Variants in ZBTB11 observed in about 807,000 individuals in gnomAD.
ZBTB11 encodes the protein zinc finger and BTB domain-containing protein 11.
A neutral mutation model predicts 113.1 loss-of-function variants in ZBTB11; 68 were observed. The ratio of observed to expected loss-of-function variants is 0.60; its 90% confidence interval spans 0.49 to 0.74. ZBTB11 has a LOEUF of 0.74. Ranked by LOEUF, ZBTB11 falls within the 30% of genes least tolerant of loss-of-function variation. The pLI, the probability that ZBTB11 is intolerant of heterozygous loss-of-function variation, is 0.00. For synonymous variants in ZBTB11, 518 were observed against 452.6 expected (o/e 1.14, Z -1.83); for missense variants, 1,104 against 1,279.4 (o/e 0.86, Z 2.09).
chr3:101,675,919 C>T (rs1937159675), intron 1 of ZBTB11, among the ~76,000 whole-genome samples: 1 of 152,068 alleles, frequency 6.6e-6, no homozygotes, highest in Non-Finnish European at 1.5e-5. Context: ...AGGCGAGACC[C>T]GTGTCTACTC....
intron 3 of ZBTB11, among the ~76,000 whole-genome samples, chr3:101,668,948 TATAAC>T (rs1251997245): frequency 6.6e-6 from 1 of 152,070 alleles, no homozygotes; most frequent in Non-Finnish European, 1.5e-5. Context: ...AATGGACAAT[TATAAC>T]AGAAGGAAAA....
chr3:101,649,262 C>G lies in ZBTB11; in HGVS notation c.*1904G>C, dbSNP rs757283100. 1.3e-4 allele frequency: 20 copies of G among 152,214 alleles called. No homozygotes were observed. The highest frequency in any genetic ancestry group is 2.5e-4 in the Non-Finnish European group (17 of 68,036). 9.4% of individuals were successfully genotyped at this position (152,214 alleles called of 1,614,324 possible). On this transcript the variant is annotated 3_prime_UTR_variant, in exon 11 of 11. Coordinates refer to ENST00000312938, the MANE Select transcript of ZBTB11 (RefSeq NM_014415.4). ...AACTGCCCTCTTCTACCCATTATTT[C>G]CTTGCCTCTTGTCCATATCAATTAT... is the stretch of plus-strand genomic sequence containing the variant.
In ZBTB11 at chr3:101,665,726, A is replaced by T. The variant is rs1936986985; in HGVS notation, c.861T>A (p.Asp287Glu). The stretch of plus-strand genomic sequence containing the variant: ...AAAGATGACGAGCTAAGATGGCTAC[A>T]TCAGCCATGCTACAGAAATCAAAAC... ...VLSFDFCSMADVAILARHLFM... is the reference protein window; with the variant it reads ...VLSFDFCSMAEVAILARHLFM... The change falls in exon 4 of 11, where the codon GAT becomes GAA. Residue 287 changes from aspartate (D) to glutamate (E), a missense_variant. Physicochemically the swap from Asp to Glu is conservative, Grantham distance 45. Coordinates refer to ENST00000312938, the MANE Select transcript of ZBTB11 (RefSeq NM_014415.4). 3 of 1,614,126 alleles carry T rather than the reference A, an allele frequency of 1.9e-6. No individual in the cohort carries two copies. The highest frequency in any genetic ancestry group is 2.5e-6 in the Non-Finnish European group (3 of 1,180,048).
At chr3:101,653,065 A>C in intron 8 of ZBTB11, 127 bp from the exon 9 acceptor site, 1 of 1,008,020 alleles carries the variant, frequency 9.9e-7, no homozygotes, top group East Asian at 2.6e-5. Context: ...GAATTCCCTA[A>C]TTTTCTAATC....
At chr3:101,663,612 C>T (rs1035006320) in intron 5 of ZBTB11, among the ~76,000 whole-genome samples, 6 of 151,896 alleles carry the variant, frequency 4.0e-5, no homozygotes, top group Admixed American at 1.3e-4. Context: ...GACCTTGGGC[C>T]GGGTGTGGTA....
In ZBTB11 at chr3:101,671,480, T is replaced by C. The variant is rs150769841; in HGVS notation, c.547-119A>G. 202 of 736,210 alleles carry C rather than the reference T, an allele frequency of 2.7e-4. 1 individual carries two copies. In the African/African-American group the frequency reaches 3.0e-3, roughly 11 times the overall value. 45.6% of individuals were successfully genotyped at this position (736,210 alleles called of 1,614,324 possible). A position where few individuals can be genotyped will look rare whatever the true frequency, so the allele number is the denominator to read the frequency against. On this transcript the variant is annotated intron_variant, in intron 2 of 10. Coordinates refer to ENST00000312938, the MANE Select transcript of ZBTB11 (RefSeq NM_014415.4). ...TACCAGGTATGAATAATTTGATATT[T>C]TCTTTGTTACCTATGTATTTAAATA...
At chr3:101,658,726 C>T (rs749884177) in intron 6 of ZBTB11, among the ~76,000 whole-genome samples, 7 of 152,088 alleles carry the variant, frequency 4.6e-5, no homozygotes, top group Non-Finnish European at 8.8e-5. Flanking sequence ...AATGATACAA[C>T]GGACTTTGGG....
At chr3:101,655,371 T>C (rs1192225103) in intron 7 of ZBTB11, among the ~76,000 whole-genome samples, 1 of 152,236 alleles carries the variant, frequency 6.6e-6, no homozygotes, top group Non-Finnish European at 1.5e-5. Flanking sequence ...TGGATTGTAA[T>C]AGTACTAGAG....
chr3:101,667,661 C>A (rs977673410), intron 3 of ZBTB11, among the ~76,000 whole-genome samples: 1 of 151,350 alleles, frequency 6.6e-6, no homozygotes, highest in Non-Finnish European at 1.5e-5. Flanking sequence ...AAAGCTAATT[C>A]TTTTTTTTTG....
intron 6 of ZBTB11, among the ~76,000 whole-genome samples, chr3:101,657,712 CAG>C: frequency 6.6e-6 from 1 of 151,726 alleles, no homozygotes; most frequent in East Asian, 1.9e-4. Context: ...AGGCCAGGCA[CAG>C]TGGCTTATGC....
Position 101,677,094 on chromosome 3 carries a change from G to T in ZBTB11, c.-180C>A. ...AAGCGGGCGAGTTGGTAACCAGGGG[G>T]AACTGCACTTCTCCAGCGCGCGGGA... On this transcript the variant is annotated 5_prime_UTR_variant, in exon 1 of 11. Coordinates refer to ENST00000312938, the MANE Select transcript of ZBTB11 (RefSeq NM_014415.4). 1.5e-6 allele frequency: 1 copy of T among 650,290 alleles called. No individual in the cohort carries two copies. The highest frequency in any genetic ancestry group is 2.3e-5 in the South Asian group (1 of 43,874). 40.3% of individuals were successfully genotyped at this position (650,290 alleles called of 1,614,324 possible). A position where few individuals can be genotyped will look rare whatever the true frequency, so the allele number is the denominator to read the frequency against.
chr3:101,655,986 T>C (rs1936789894), intron 7 of ZBTB11, 118 bp downstream of exon 7: 1 of 882,232 alleles, frequency 1.1e-6, no homozygotes, highest in African/African-American at 1.8e-5. Context: ...AAATACTGTC[T>C]CAATACAAAA....
intron 3 of ZBTB11, among the ~76,000 whole-genome samples, 164 bp from the exon 4 acceptor site, chr3:101,665,972 C>A (rs1185199737): frequency 6.6e-6 from 1 of 152,216 alleles, no homozygotes; most frequent in African/African-American, 2.4e-5. Flanking sequence ...TAAACCTTGA[C>A]TAACTCATTT....
intron 5 of ZBTB11, among the ~76,000 whole-genome samples, chr3:101,661,325 T>C (rs889468692): frequency 6.6e-6 from 1 of 152,110 alleles, no homozygotes; most frequent in Non-Finnish European, 1.5e-5. Flanking sequence ...CCCTTCACTA[T>C]TGTCTTGATG....
chr3:101,670,119 C>T (rs1400500597), intron 3 of ZBTB11, among the ~76,000 whole-genome samples: 7 of 152,186 alleles, frequency 4.6e-5, no homozygotes, highest in African/African-American at 1.7e-4. Context: ...GGAGCCACTG[C>T]GCCTGGCCGT....
intron 10 of ZBTB11, 98 bp downstream of exon 10, chr3:101,652,398 A>T (rs1936719531): frequency 2.5e-6 from 3 of 1,212,862 alleles, no homozygotes; most frequent in Admixed American, 2.4e-5. Flanking sequence ...TATGAAATTA[A>T]CCTTTTACCA....
intron 8 of ZBTB11, among the ~76,000 whole-genome samples, chr3:101,654,162 T>G (rs1936754259): frequency 6.6e-6 from 1 of 152,060 alleles, no homozygotes; most frequent in African/African-American, 2.4e-5. Flanking sequence ...TGCCTCAGCC[T>G]CCCAAGTAGC....
intron 6 of ZBTB11, among the ~76,000 whole-genome samples, chr3:101,658,599 C>T (rs931573233): frequency 7.9e-5 from 12 of 152,080 alleles, no homozygotes; most frequent in Non-Finnish European, 1.3e-4. Context: ...CCTCGGCTCA[C>T]GGCAACCACC....
chr3:101,676,994 G>A lies in ZBTB11; in HGVS notation c.-80C>T. ...CGCTACCTACGGGCGGCTGCAGGAG[G>A]AGCGGCGGCACCGTAGGGAGAAACG... is the stretch of plus-strand genomic sequence containing the variant. On this transcript the variant is annotated 5_prime_UTR_variant, in exon 1 of 11. Transcript: ENST00000312938. The A allele has an allele frequency of 6.9e-7, 1 of 1,439,906 alleles. No homozygotes were observed. Among genetic ancestry groups the A allele is most frequent in the Non-Finnish European group, 9.2e-7 (1 of 1,083,454 alleles). The allele number at this position is 1,439,906 out of a possible 1,614,324, so 89.2% of individuals were successfully genotyped here.
Sources: gnomAD v4.1 joint callset for allele counts (sites outside exome capture counted in the v4.1 genomes callset) on GRCh38, gnomAD v4.1.1 for gene constraint, MANE v1.5 for transcripts, NCBI Gene and HGNC (gene_info 2026-07-23, HGNC 2026-07-21) for gene names.